The following SLC14A2 variants were observed in gnomAD, a reference collection of about 807,000 sequenced individuals.
The protein encoded by SLC14A2 is urea transporter 2.
SLC14A2 carries 91 observed loss-of-function variants against 104.6 expected under a neutral mutation model. That is an observed-to-expected ratio of 0.87 (90% confidence interval 0.73 to 1.04). SLC14A2 has a LOEUF of 1.04. Ranked by LOEUF, SLC14A2 falls within the 50% of genes least tolerant of loss-of-function variation. The pLI is 0.00. For missense variants in SLC14A2, 1,189 were observed against 1,156.0 expected (o/e 1.03, Z -0.41); for synonymous variants, 476 against 466.4 (o/e 1.02, Z -0.27).
At chr18:45,300,387 T>C (rs2084956709) in intron 1 of SLC14A2, among the ~76,000 whole-genome samples, 1 of 151,598 alleles carries the variant, frequency 6.6e-6, no homozygotes, top group Non-Finnish European at 1.5e-5. Flanking sequence ...GAGCCTGCTC[T>C]ATCTCAAGTT....
At chr18:45,182,364 G>A in the SLC14A2 span, among the ~76,000 whole-genome samples, 1 of 151,714 alleles carries the variant, frequency 6.6e-6, no homozygotes, top group Non-Finnish European at 1.5e-5. Context: ...TCAAAGAAAT[G>A]GATCGTTTTC....
chr18:45,404,209 T>A (rs1225020870), intron 1 of SLC14A2, among the ~76,000 whole-genome samples: 1 of 152,232 alleles, frequency 6.6e-6, no homozygotes, highest in Non-Finnish European at 1.5e-5. Flanking sequence ...CCTCCTTTAG[T>A]TATGGGATAA....
At chr18:45,530,230 C>T (rs1195450469) in intron 2 of SLC14A2, among the ~76,000 whole-genome samples, 1 of 152,136 alleles carries the variant, frequency 6.6e-6, no homozygotes, top group African/African-American at 2.4e-5. Context: ...TGTGCTCAAG[C>T]GAATCTCATT....
chr18:45,675,373 G>T (rs2046208781), intron 18 of SLC14A2, among the ~76,000 whole-genome samples: 1 of 152,108 alleles, frequency 6.6e-6, no homozygotes, highest in South Asian at 2.1e-4. Context: ...GAGGTAAAAG[G>T]ACTTGCCTGT....
intron 2 of SLC14A2, among the ~76,000 whole-genome samples, chr18:45,508,517 G>A (rs1373582059): frequency 6.6e-6 from 1 of 152,234 alleles, no homozygotes; most frequent in African/African-American, 2.4e-5. Flanking sequence ...CCTTAGCCAT[G>A]TGGAACTGTA....
At chr18:45,195,950 G>A in the SLC14A2 span, among the ~76,000 whole-genome samples, 1 of 152,192 alleles carries the variant, frequency 6.6e-6, no homozygotes, top group Non-Finnish European at 1.5e-5. Context: ...TCCCAAGCCA[G>A]AGTAGGCTCA....
intron 1 of SLC14A2, among the ~76,000 whole-genome samples, chr18:45,619,870 C>G (rs1410721780): frequency 6.6e-6 from 1 of 152,224 alleles, no homozygotes; most frequent in Non-Finnish European, 1.5e-5. Flanking sequence ...AGTAAGATCA[C>G]TAAGCGCCTA....
intron 1 of SLC14A2, among the ~76,000 whole-genome samples, chr18:45,353,746 G>A (rs2085524710): frequency 1.3e-5 from 2 of 152,144 alleles, no homozygotes; most frequent in African/African-American, 4.8e-5. Flanking sequence ...CATGAAGGCT[G>A]TGACTCATGG....
chr18:45,572,021 G>C (rs751165437), intron 2 of SLC14A2, among the ~76,000 whole-genome samples: 1 of 152,036 alleles, frequency 6.6e-6, no homozygotes, highest in Non-Finnish European at 1.5e-5. Flanking sequence ...AAAATCTCTG[G>C]GGTAGAGTCC....
intron 1 of SLC14A2, among the ~76,000 whole-genome samples, chr18:45,464,981 G>A (rs778240196): frequency 2.0e-5 from 3 of 152,174 alleles, no homozygotes; most frequent in Non-Finnish European, 2.9e-5. Flanking sequence ...AATGCAGGCA[G>A]GCAGGAGAGA....
At chr18:45,324,760 C>G (rs1175466785) in intron 1 of SLC14A2, among the ~76,000 whole-genome samples, 2 of 151,924 alleles carry the variant, frequency 1.3e-5, no homozygotes, top group African/African-American at 4.8e-5. Context: ...CCGCCCCCCA[C>G]CCCCGCACAC....
At chr18:45,342,524 G>A (rs1364421343) in intron 1 of SLC14A2, among the ~76,000 whole-genome samples, 1 of 152,180 alleles carries the variant, frequency 6.6e-6, no homozygotes, top group African/African-American at 2.4e-5. Flanking sequence ...AGAACAAAAG[G>A]GTTATGGTCA....
chr18:45,496,171 C>T (rs2043094120), intron 2 of SLC14A2, among the ~76,000 whole-genome samples: 1 of 152,202 alleles, frequency 6.6e-6, no homozygotes, highest in Non-Finnish European at 1.5e-5. Flanking sequence ...TCTTAACATA[C>T]TTAATTTCAT....
the SLC14A2 span, among the ~76,000 whole-genome samples, chr18:45,203,501 C>T: frequency 2.6e-5 from 4 of 152,154 alleles, no homozygotes; most frequent in Non-Finnish European, 5.9e-5. Context: ...TTTTCATCTC[C>T]CTTCCCACCT....
At chr18:45,214,826 AGGC>A (rs1568104341) in intron 1 of SLC14A2, among the ~76,000 whole-genome samples, 2 of 151,602 alleles carry the variant, frequency 1.3e-5, no homozygotes, top group East Asian at 3.9e-4. Flanking sequence ...TCTGTGGATC[AGGC>A]TCCAGACTAG....
the SLC14A2 span, among the ~76,000 whole-genome samples, chr18:45,176,411 C>T: frequency 2.0e-5 from 3 of 152,142 alleles, no homozygotes; most frequent in Non-Finnish European, 4.4e-5. Flanking sequence ...TAGCCCCTTT[C>T]TCTGGTTGAG....
intron 2 of SLC14A2, among the ~76,000 whole-genome samples, chr18:45,561,513 G>T (rs929718099): frequency 6.6e-6 from 1 of 152,290 alleles, no homozygotes; most frequent in African/African-American, 2.4e-5. Context: ...ATGCCAGGAG[G>T]AGGGGCAGCC....
intron 2 of SLC14A2, among the ~76,000 whole-genome samples, chr18:45,563,575 A>G (rs2144316496): frequency 6.6e-6 from 1 of 151,980 alleles, no homozygotes; most frequent in East Asian, 1.9e-4. Flanking sequence ...TTCTTCCTAC[A>G]TTTTTTTTGG....
chr18:45,204,012 T>G, the SLC14A2 span, among the ~76,000 whole-genome samples: 1 of 152,210 alleles, frequency 6.6e-6, no homozygotes, highest in African/African-American at 2.4e-5. Context: ...CATTTTTTTC[T>G]GTAGGGGTTG....
Sources: allele counts gnomAD v4.1 joint callset (sites outside exome capture counted in the v4.1 genomes callset), GRCh38; gene constraint gnomAD v4.1.1; transcripts MANE v1.5; gene names NCBI Gene and HGNC (gene_info 2026-07-23, HGNC 2026-07-21).